Variants in MGLL observed in about 807,000 individuals in gnomAD.
MGLL encodes monoglyceride lipase, also known as lysophospholipase homolog.
In MGLL, 7 loss-of-function variants were observed where a neutral mutation model predicts 29.1. That is an observed-to-expected ratio of 0.24 (90% CI 0.14 to 0.45). The LOEUF (loss-of-function observed/expected upper bound fraction) is 0.45, where lower values mean the gene tolerates loss of function less well. MGLL is among the 20% of genes least tolerant of loss of function. MGLL has a pLI of 0.99. For missense variants in MGLL, 356 were observed against 413.6 expected (o/e 0.86, Z 1.21); for synonymous variants, 148 against 168.3 (o/e 0.88, Z 0.93).
intron 3 of MGLL, among the ~76,000 whole-genome samples, chr3:127,750,521 G>A (rs73861707): frequency 6.6e-6 from 1 of 152,124 alleles, no homozygotes; most frequent in Non-Finnish European, 1.5e-5. Context: ...AACCGAGAAA[G>A]CCCCAAACAG....
At chr3:127,713,141 A>G (rs1194329275) in intron 5 of MGLL, 3 of 152,176 alleles carry the variant, frequency 2.0e-5, no homozygotes, top group Non-Finnish European at 4.4e-5. Context: ...TCACTTCTAG[A>G]TATTCTGCTG....
chr3:127,696,100 C>A (rs139536844), intron 6 of MGLL, among the ~76,000 whole-genome samples: 1 of 152,220 alleles, frequency 6.6e-6, no homozygotes, highest in East Asian at 1.9e-4. Flanking sequence ...CAGGGCTACA[C>A]AGGGTGGTCA....
intron 3 of MGLL, among the ~76,000 whole-genome samples, chr3:127,740,456 A>C (rs1195754301): frequency 6.6e-6 from 1 of 151,924 alleles, no homozygotes; most frequent in Admixed American, 6.5e-5. Context: ...AAAAAGTCTG[A>C]GTGGACTTCG....
At chr3:127,765,958 G>A (rs2076848270) in intron 3 of MGLL, among the ~76,000 whole-genome samples, 1 of 152,170 alleles carries the variant, frequency 6.6e-6, no homozygotes, top group Non-Finnish European at 1.5e-5. Flanking sequence ...CACCTACTAT[G>A]TGCCCAGCAG....
intron 3 of MGLL, among the ~76,000 whole-genome samples, chr3:127,724,961 C>T (rs1384019292): frequency 1.3e-5 from 2 of 152,144 alleles, no homozygotes; most frequent in Middle Eastern, 3.2e-3. Context: ...CCTGGCCCAG[C>T]CTGCTCCCTG....
upstream of MGLL, chr3:127,822,800 A>C (rs1218390970): frequency 6.2e-6 from 1 of 160,752 alleles, no homozygotes; most frequent in African/African-American, 2.4e-5. Flanking sequence ...CCGCTGGGAA[A>C]ACCGGGTGGG....
chr3:127,733,900 T>C (rs2076197277), intron 3 of MGLL, among the ~76,000 whole-genome samples: 1 of 152,166 alleles, frequency 6.6e-6, no homozygotes, highest in African/African-American at 2.4e-5. Context: ...TGTGCTGACG[T>C]GGAGCAAGTC....
intron 2 of MGLL, among the ~76,000 whole-genome samples, chr3:127,814,571 T>C (rs2077721374): frequency 6.6e-6 from 1 of 152,176 alleles, no homozygotes; most frequent in South Asian, 2.1e-4. Flanking sequence ...AAATAGACAA[T>C]GGTGGACAAA....
intron 2 of MGLL, among the ~76,000 whole-genome samples, chr3:127,813,342 A>G (rs1460998388): frequency 6.6e-6 from 1 of 151,956 alleles, no homozygotes; most frequent in African/African-American, 2.4e-5. Context: ...GTCTCTGGCC[A>G]TCTCTTCTGA....
intron 2 of MGLL, among the ~76,000 whole-genome samples, chr3:127,816,349 G>C (rs1035270126): frequency 6.6e-6 from 1 of 152,174 alleles, no homozygotes. Flanking sequence ...CTCAACAGCC[G>C]GCTGACAACC....
At chr3:127,720,034 A>C (rs2075888757) in intron 5 of MGLL, among the ~76,000 whole-genome samples, 1 of 152,234 alleles carries the variant, frequency 6.6e-6, no homozygotes, top group Admixed American at 6.5e-5. Flanking sequence ...CATGGGCTGA[A>C]GGAAACCCTT....
Position 127,821,680 on chromosome 3 carries a change from T to C in MGLL, c.155+14A>G. ...TCCCCTGTCACCTGGGGTGACTTTC[T>C]GGGGAAGACTTACTTGGGTGTGCCT... is the stretch of plus-strand genomic sequence containing the variant. On this transcript the variant is annotated intron_variant, in intron 2 of 7. Coordinates refer to ENST00000265052, the MANE Select transcript of MGLL (RefSeq NM_007283.7). 2 of 1,613,968 alleles carry C rather than the reference T, an allele frequency of 1.2e-6. No homozygotes were observed. The highest frequency in any genetic ancestry group is 1.7e-6 in the Non-Finnish European group (2 of 1,179,848).
At chr3:127,802,688 G>C (rs2077498115) in intron 2 of MGLL, among the ~76,000 whole-genome samples, 1 of 152,202 alleles carries the variant, frequency 6.6e-6, no homozygotes, top group Admixed American at 6.5e-5. Context: ...TAACATGTGC[G>C]ATCTCTTCAG....
chr3:127,780,003 G>GTCAT (rs1447493018), intron 3 of MGLL, among the ~76,000 whole-genome samples: 17 of 152,166 alleles, frequency 1.1e-4, no homozygotes, highest in African/African-American at 4.1e-4. Flanking sequence ...ATTTCCATGA[G>GTCAT]TCATTCAAAG....
At chr3:127,695,460 C>T (rs541556497) in intron 6 of MGLL, among the ~76,000 whole-genome samples, 2 of 152,236 alleles carry the variant, frequency 1.3e-5, no homozygotes, top group Admixed American at 6.5e-5. Flanking sequence ...TGTGGTGGCT[C>T]ATGCCTGTAA....
chr3:127,750,554 G>A (rs1425831045), intron 3 of MGLL, among the ~76,000 whole-genome samples: 1 of 151,924 alleles, frequency 6.6e-6, no homozygotes, highest in Non-Finnish European at 1.5e-5. Flanking sequence ...AGGGCCCCTG[G>A]GACTCACAGG....
Position 127,696,041 on chromosome 3 carries a change from G to A in MGLL, c.601-851C>T, listed in dbSNP as rs2075354401. Among the ~76,000 whole-genome samples the A allele has an allele frequency of 2.0e-5, 3 of 152,220 alleles. No individual in the cohort carries two copies. The South Asian group carries it at 6.2e-4, about 31-fold the overall frequency. On this transcript the variant is annotated intron_variant, in intron 6 of 7. Transcript: ENST00000265052. ...ACTGACAATGGGCTTTGGGGTGAGG[G>A]ACGCCCAAGGGTGGGTCTGGCTGGG...
At chr3:127,754,645 A>C (rs6778770) in intron 3 of MGLL, among the ~76,000 whole-genome samples, 1 of 152,134 alleles carries the variant, frequency 6.6e-6, no homozygotes, top group Non-Finnish European at 1.5e-5. Context: ...TGTTGGTCCC[A>C]GTGGGCACCT....
chr3:127,732,534 G>A (rs565417293), intron 3 of MGLL, among the ~76,000 whole-genome samples: 2 of 152,108 alleles, frequency 1.3e-5, no homozygotes, highest in Admixed American at 6.5e-5. Context: ...TAAAGAACCC[G>A]CTGTGTGAAA....
Sources: gnomAD v4.1 joint callset for allele counts (sites outside exome capture counted in the v4.1 genomes callset) on GRCh38, gnomAD v4.1.1 for gene constraint, MANE v1.5 for transcripts, NCBI Gene and HGNC (gene_info 2026-07-23, HGNC 2026-07-21) for gene names.